COL25A1: variants seen among roughly 807,000 people sequenced by gnomAD.
The protein encoded by COL25A1 is collagen type XXV alpha 1 chain.
A neutral mutation model predicts 128.4 loss-of-function variants in COL25A1; 103 were observed. That is an observed-to-expected ratio of 0.80 (90% CI 0.68 to 0.94). The LOEUF (loss-of-function observed/expected upper bound fraction) is 0.94. Ranked by LOEUF, COL25A1 falls within the 40% of genes least tolerant of loss-of-function variation. COL25A1 has a pLI of 0.00. For missense variants in COL25A1, 745 were observed against 840.0 expected, an observed-to-expected ratio of 0.89 and a Z score of 1.40; for synonymous variants, 279 against 277.2, an observed-to-expected ratio of 1.01 and a Z score of -0.06.
At chr4:109,075,580 G>T (rs1763306593) in intron 3 of COL25A1, among the ~76,000 whole-genome samples, 1 of 151,984 alleles carries the variant, frequency 6.6e-6, no homozygotes, top group Admixed American at 6.6e-5. Flanking sequence ...AAAATTTTGG[G>T]AGAGTACACA....
intron 3 of COL25A1, among the ~76,000 whole-genome samples, chr4:109,293,031 G>A (rs1033825272): frequency 3.3e-5 from 5 of 152,018 alleles, no homozygotes; most frequent in Middle Eastern, 3.4e-3. Flanking sequence ...AATGCCAGCT[G>A]GAATCTGGAG....
At chr4:109,069,885 C>T (rs1762767098) in intron 3 of COL25A1, among the ~76,000 whole-genome samples, 2 of 151,598 alleles carry the variant, frequency 1.3e-5, no homozygotes, top group East Asian at 3.9e-4. Flanking sequence ...CCTTAAATAG[C>T]TAAATATTAA....
intron 3 of COL25A1, among the ~76,000 whole-genome samples, chr4:109,211,828 T>G (rs937861601): frequency 6.6e-6 from 1 of 152,088 alleles, no homozygotes; most frequent in African/African-American, 2.4e-5. Context: ...CTATGGTCTG[T>G]TCAGAATTCC....
intron 8 of COL25A1, among the ~76,000 whole-genome samples, chr4:108,966,564 G>T (rs1181353341): frequency 6.6e-6 from 1 of 151,992 alleles, no homozygotes; most frequent in Non-Finnish European, 1.5e-5. Flanking sequence ...TCATAATAAA[G>T]TTGGCCATGC....
Position 109,019,882 on chromosome 4 carries a change from A to G in COL25A1, c.421-9507T>C, listed in dbSNP as rs545805206. Among the ~76,000 whole-genome samples the G allele has an allele frequency of 3.3e-5, 5 of 152,328 alleles. No individual in the cohort carries two copies. In the South Asian group the frequency reaches 1.0e-3, roughly 32 times the overall value. ...TAAAAGAGAAGCACGAAAGTTCCAT[A>G]TTGACGAAAAATTACTTTCTAGTTT... On this transcript the variant is annotated intron_variant, in intron 5 of 37. Coordinates refer to ENST00000399132, the MANE Select transcript of COL25A1 (RefSeq NM_198721.4).
In COL25A1 at chr4:109,003,380, G is replaced by A. The variant is rs576999761; in HGVS notation, c.438+6978C>T. Reference sequence around the variant, plus strand: ...CTTGCACATTGTACCTTATATATAGGGGCTAAATAATACTTGTTGAGTAGT... The same window carrying A: ...CTTGCACATTGTACCTTATATATAGAGGCTAAATAATACTTGTTGAGTAGT... On this transcript the variant is annotated intron_variant, in intron 6 of 37. Coordinates refer to ENST00000399132, the MANE Select transcript of COL25A1 (RefSeq NM_198721.4). Among the ~76,000 whole-genome samples, 7 of 152,218 alleles carry A rather than the reference G, an allele frequency of 4.6e-5. No individual in the cohort carries two copies. In the East Asian group the frequency reaches 1.3e-3, roughly 29 times the overall value.
chr4:109,195,796 A>C (rs1280604518), intron 3 of COL25A1, among the ~76,000 whole-genome samples: 1 of 152,212 alleles, frequency 6.6e-6, no homozygotes, highest in East Asian at 1.9e-4. Flanking sequence ...AGAAGCAGTC[A>C]AAATGTTTGA....
intron 11 of COL25A1, among the ~76,000 whole-genome samples, chr4:108,932,420 A>G (rs1746859746): frequency 6.6e-6 from 1 of 152,236 alleles, no homozygotes; most frequent in South Asian, 2.1e-4. Context: ...CAAAAGTCCA[A>G]ATTTCACTTT....
intron 3 of COL25A1, among the ~76,000 whole-genome samples, chr4:109,214,860 T>C (rs750538162): frequency 6.6e-6 from 1 of 152,148 alleles, no homozygotes; most frequent in Non-Finnish European, 1.5e-5. Flanking sequence ...ATGGCTGGCA[T>C]AGCGCTAACG....
chr4:108,937,877 TGTAA>T lies in COL25A1; in HGVS notation c.673-38_673-35del, dbSNP rs751647506. ...AGAATAGTGATAATTTTAGTAACGC[TGTAA>T]GTATTTAAAAAAAAACCCTTCAATC... On this transcript the variant is annotated intron_variant, in intron 10 of 37. Transcript: ENST00000399132. 6 of 1,554,680 alleles carry T rather than the reference TGTAA, an allele frequency of 3.9e-6. No homozygotes were observed. The East Asian group carries it at 1.4e-4, about 35-fold the overall frequency.
intron 3 of COL25A1, among the ~76,000 whole-genome samples, chr4:109,194,883 C>T (rs1162714028): frequency 6.6e-6 from 1 of 152,120 alleles, no homozygotes; most frequent in Non-Finnish European, 1.5e-5. Context: ...GTGACACCCT[C>T]CCATCAAAAC....
At chr4:109,289,793 T>C (rs760253651) in intron 3 of COL25A1, among the ~76,000 whole-genome samples, 2 of 152,052 alleles carry the variant, frequency 1.3e-5, no homozygotes, top group Non-Finnish European at 2.9e-5. Flanking sequence ...TATGGCTACC[T>C]CCCAAAGACA....
chr4:109,226,446 C>A (rs773167816), intron 3 of COL25A1, among the ~76,000 whole-genome samples: 1 of 152,000 alleles, frequency 6.6e-6, no homozygotes, highest in Non-Finnish European at 1.5e-5. Flanking sequence ...AAAATGGCAG[C>A]GATTTAATGA....
At chr4:108,945,702 C>T (rs903968990) in intron 8 of COL25A1, among the ~76,000 whole-genome samples, 4 of 152,094 alleles carry the variant, frequency 2.6e-5, no homozygotes, top group African/African-American at 9.7e-5. Context: ...TCTGGCTCTT[C>T]ACCCAGGCTG....
At chr4:109,014,027 C>G (rs1756968017) in intron 5 of COL25A1, among the ~76,000 whole-genome samples, 1 of 152,160 alleles carries the variant, frequency 6.6e-6, no homozygotes, top group South Asian at 2.1e-4. Context: ...GAACATGTGG[C>G]TGGGTGTGGT....
intron 3 of COL25A1, among the ~76,000 whole-genome samples, chr4:109,162,890 C>T (rs940766136): frequency 1.3e-5 from 2 of 152,038 alleles, no homozygotes; most frequent in Non-Finnish European, 2.9e-5. Flanking sequence ...TGATTTTTAC[C>T]TAATTTTTTA....
At chr4:109,234,358 A>G (rs138901359) in intron 3 of COL25A1, among the ~76,000 whole-genome samples, 4 of 152,224 alleles carry the variant, frequency 2.6e-5, no homozygotes, top group African/African-American at 9.6e-5. Context: ...AGACTCTCCA[A>G]CATCTACTCT....
chr4:109,177,192 T>C (rs923092397), intron 3 of COL25A1, among the ~76,000 whole-genome samples: 4 of 152,204 alleles, frequency 2.6e-5, no homozygotes, highest in Admixed American at 1.3e-4. Context: ...AGAGTCTGTA[T>C]TGGCCTAGAT....
At chr4:109,148,421 C>A (rs964449366) in intron 3 of COL25A1, among the ~76,000 whole-genome samples, 2 of 152,144 alleles carry the variant, frequency 1.3e-5, no homozygotes, top group Non-Finnish European at 2.9e-5. Context: ...TACAAAGGAA[C>A]CTCAAGTCAA....
Sources: gnomAD v4.1 joint callset for allele counts (sites outside exome capture counted in the v4.1 genomes callset) on GRCh38, gnomAD v4.1.1 for gene constraint, MANE v1.5 for transcripts, NCBI Gene and HGNC (gene_info 2026-07-23, HGNC 2026-07-21) for gene names.